Variants in FAM228A observed in about 807,000 individuals in gnomAD.
FAM228A encodes the protein protein FAM228A.
FAM228A carries 13 observed loss-of-function variants against 18.6 expected under a neutral mutation model. That is an observed-to-expected ratio of 0.70 (90% CI 0.45 to 1.11). FAM228A has a LOEUF of 1.11. Ranked by LOEUF, FAM228A falls within the 50% of genes least tolerant of loss-of-function variation. The pLI is 0.00. For missense variants in FAM228A, 240 were observed against 242.2 expected (o/e 0.99, Z 0.06); for synonymous variants, 77 against 86.6 (o/e 0.89, Z 0.61).
Position 24,190,477 on chromosome 2 carries a change from G to A in FAM228A, c.467G>A (p.Ser156Asn), listed in dbSNP as rs1329965427. The change falls in exon 6 of 6, where the codon AGT becomes AAT. Residue 156 changes from serine to asparagine, a missense_variant. Coordinates refer to ENST00000295150, the MANE Select transcript of FAM228A (RefSeq NM_001040710.3). ...KRKEKKTADL[S>N]QAAFERQFLS... is the part of the protein sequence containing the mutation. The stretch of plus-strand genomic sequence containing the variant: ...AAAGAGAAAAAGACGGCCGACCTAA[G>A]TCAGGCTGCGTTTGAAAGGCAGTTC... 1.9e-6 allele frequency: 3 copies of A among 1,614,218 alleles called. No homozygotes were observed. Among genetic ancestry groups the A allele is most frequent in the African/African-American group, 2.7e-5 (2 of 75,054 alleles).
rs1558403928 is a variant in FAM228A at position 24,183,344 on chromosome 2, G to A, written c.222G>A (p.Glu74=). The A allele has an allele frequency of 1.2e-6, 2 of 1,613,994 alleles. No individual in the cohort carries two copies. Among genetic ancestry groups the A allele is most frequent in the Admixed American group, 1.7e-5 (1 of 60,026 alleles). ...AAAGACAGCAAGAGGTGGATGAAGA[G>A]AGGAGAACTGGTCTTCAGTGTGAGA... The part of the protein sequence containing the change: ...LFQRQQEVDE[E]RRTGLQCETG... The change falls in exon 4 of 6, where the codon GAG becomes GAA. Residue 74 remains glutamate (E), a synonymous_variant. Transcript: ENST00000295150.
intron 3 of FAM228A, among the ~76,000 whole-genome samples, chr2:24,179,730 G>A (rs1667771949): frequency 6.6e-6 from 1 of 152,174 alleles, no homozygotes; most frequent in Admixed American, 6.5e-5. Context: ...AGGAGGAAGG[G>A]GTAAGGAATG....
At chr2:24,180,480 A>G (rs1378846107) in intron 3 of FAM228A, among the ~76,000 whole-genome samples, 1 of 152,106 alleles carries the variant, frequency 6.6e-6, no homozygotes, top group African/African-American at 2.4e-5. Context: ...ACATTTAAGT[A>G]TATTTACTGA....
At chr2:24,179,038 C>T in intron 3 of FAM228A, 10 of 611,868 alleles carry the variant, frequency 1.6e-5, no homozygotes, top group Non-Finnish European at 2.1e-5. Context: ...ATTTTTTTTT[C>T]CCCCTTACTC....
At chr2:24,185,984 A>T (rs1240684785) in intron 5 of FAM228A, among the ~76,000 whole-genome samples, 1 of 152,158 alleles carries the variant, frequency 6.6e-6, no homozygotes, top group African/African-American at 2.4e-5. Context: ...ATGAATTCTG[A>T]CATTTCATCT....
At chr2:24,175,789 G>C (rs1279200911) in intron 2 of FAM228A, 1 of 874,890 alleles carries the variant, frequency 1.1e-6, no homozygotes, top group Non-Finnish European at 1.6e-6. Context: ...GACGGGGGCG[G>C]GCAGCCGGGC....
intron 3 of FAM228A, among the ~76,000 whole-genome samples, chr2:24,182,460 G>A (rs1383749971): frequency 2.6e-5 from 4 of 152,170 alleles, no homozygotes; most frequent in Non-Finnish European, 4.4e-5. Context: ...ACTGGGATGA[G>A]TGCTGTGGGG....
chr2:24,188,767 A>G lies in FAM228A; in HGVS notation c.402-1645A>G, dbSNP rs143730738. On this transcript the variant is annotated intron_variant, in intron 5 of 5. Coordinates refer to ENST00000295150, the MANE Select transcript of FAM228A (RefSeq NM_001040710.3). ...TTTTAAAGCTGTCCAGTGATTTTAA[A>G]ATTCTTAATTTTGGTAGTAAATTTT... The G allele has an allele frequency of 1.9e-4, 116 of 614,820 alleles. No individual in the cohort carries two copies. In the Admixed American group the frequency reaches 6.1e-3, roughly 32 times the overall value. 38.1% of individuals were successfully genotyped at this position (614,820 alleles called of 1,614,324 possible).
intron 3 of FAM228A, among the ~76,000 whole-genome samples, chr2:24,181,320 A>G (rs1667810968): frequency 6.6e-6 from 1 of 152,200 alleles, no homozygotes; most frequent in South Asian, 2.1e-4. Context: ...AGTATATTTT[A>G]TATCTGAAGG....
At chr2:24,181,684 C>A (rs544391602) in intron 3 of FAM228A, among the ~76,000 whole-genome samples, 2 of 152,170 alleles carry the variant, frequency 1.3e-5, no homozygotes, top group African/African-American at 4.8e-5. Flanking sequence ...CTGTGCCCGG[C>A]CTACGATCCT....
At chr2:24,189,606 G>A (rs1032303584) in intron 5 of FAM228A, among the ~76,000 whole-genome samples, 5 of 152,132 alleles carry the variant, frequency 3.3e-5, no homozygotes, top group Admixed American at 2.6e-4. Flanking sequence ...ATAAGTGGTT[G>A]TTGAATGAAT....
intron 2 of FAM228A, 114 bp downstream of exon 2, chr2:24,175,687 A>C: frequency 1.2e-6 from 1 of 850,108 alleles, no homozygotes; most frequent in Non-Finnish European, 1.9e-6. Flanking sequence ...GCCTGCTTTA[A>C]AGCAGGCGTT....
intron 1 of FAM228A, 82 bp from the exon 2 acceptor site, chr2:24,175,385 T>A: frequency 1.0e-6 from 1 of 1,000,600 alleles, no homozygotes; most frequent in Non-Finnish European, 1.6e-6. Context: ...CCGAGCGGGA[T>A]TTGAACACTC....
At chr2:24,176,026 C>T in intron 2 of FAM228A, 1 of 988,454 alleles carries the variant, frequency 1.0e-6, no homozygotes, top group African/African-American at 1.7e-5. Flanking sequence ...TATGTGTGTG[C>T]ACAGAAAGCT....
chr2:24,182,658 G>T (rs940672064), intron 3 of FAM228A, among the ~76,000 whole-genome samples: 5 of 152,070 alleles, frequency 3.3e-5, no homozygotes. Flanking sequence ...GGCTAAGTTA[G>T]CACTGCCCCT....
In FAM228A at chr2:24,190,812, T is replaced by TG; in HGVS notation, c.*182dup. ...TGAAGAAACTCAGACAAGTGGTAAA[T>TG]GTGGGACCTGGACCCCACTTTCCGG... is the stretch of plus-strand genomic sequence containing the variant. On this transcript the variant is annotated 3_prime_UTR_variant, in exon 6 of 6. Transcript: ENST00000295150. 3 of 1,301,368 alleles carry TG rather than the reference T, an allele frequency of 2.3e-6. No homozygotes were observed. In the East Asian group the frequency reaches 8.8e-5, roughly 38 times the overall value. The allele number at this position is 1,301,368 out of a possible 1,614,324, so 80.6% of individuals were successfully genotyped here.
intron 1 of FAM228A, 113 bp downstream of exon 1, chr2:24,175,287 C>A: frequency 1.7e-6 from 1 of 590,096 alleles, no homozygotes. Flanking sequence ...GAGGACGACA[C>A]GGGAGTGGGT....
rs1426973656 is a variant in FAM228A at position 24,190,938 on chromosome 2, C to G, written c.*307C>G. On this transcript the variant is annotated 3_prime_UTR_variant, in exon 6 of 6. Coordinates refer to ENST00000295150, the MANE Select transcript of FAM228A (RefSeq NM_001040710.3). The stretch of plus-strand genomic sequence containing the variant: ...CGCCCGGGCCTTTGCCCTTCTGCCA[C>G]TTTCCTACCATTTTCCACTTACTCC... The G allele has an allele frequency of 1.8e-6, 2 of 1,092,248 alleles. No homozygotes were observed. Among genetic ancestry groups the G allele is most frequent in the African/African-American group, 3.3e-5 (2 of 61,178 alleles). The allele number at this position is 1,092,248 out of a possible 1,614,324, so 67.7% of individuals were successfully genotyped here.
At chr2:24,190,085 G>C (rs1033022208) in intron 5 of FAM228A, among the ~76,000 whole-genome samples, 4 of 152,132 alleles carry the variant, frequency 2.6e-5, no homozygotes, top group African/African-American at 9.7e-5. Flanking sequence ...AAGTGGAGGC[G>C]CCGTTCTGCC....
Sources: gnomAD v4.1 joint callset for allele counts (sites outside exome capture counted in the v4.1 genomes callset) on GRCh38, gnomAD v4.1.1 for gene constraint, MANE v1.5 for transcripts, NCBI Gene and HGNC (gene_info 2026-07-23, HGNC 2026-07-21) for gene names.